Variants in ANKS1B observed in about 807,000 individuals in gnomAD.
ANKS1B encodes ankyrin repeat and sterile alpha motif domain containing 1B.
A neutral mutation model predicts 148.3 loss-of-function variants in ANKS1B; 36 were observed. The observed-to-expected ratio is 0.24, with a 90% confidence interval of 0.19 to 0.32. The LOEUF (loss-of-function observed/expected upper bound fraction) is 0.32. Ranked by LOEUF, ANKS1B falls within the 10% of genes least tolerant of loss-of-function variation. The probability of loss-of-function intolerance (pLI) is 1.00; values close to 1 mark genes in which losing one functional copy is unlikely to be tolerated. For synonymous variants in ANKS1B, 542 were observed against 560.8 expected (o/e 0.97, Z 0.47); for missense variants, 1,157 against 1,542.6 (o/e 0.75, Z 4.19).
intron 19 of ANKS1B, among the ~76,000 whole-genome samples, chr12:98,825,286 A>T (rs1237942791): frequency 6.6e-6 from 1 of 152,226 alleles, no homozygotes; most frequent in Non-Finnish European, 1.5e-5. Context: ...GGAAGAACTA[A>T]AATGTAATAT....
chr12:99,915,734 C>A (rs1402679932), intron 1 of ANKS1B, among the ~76,000 whole-genome samples: 3 of 152,114 alleles, frequency 2.0e-5, no homozygotes, highest in African/African-American at 7.2e-5. Flanking sequence ...GCTGCTGTCA[C>A]GAACTAAGTG....
chr12:99,733,604 A>G (rs1193166592), intron 8 of ANKS1B, among the ~76,000 whole-genome samples: 2 of 152,226 alleles, frequency 1.3e-5, no homozygotes, highest in African/African-American at 4.8e-5. Context: ...TTTCTAAAAT[A>G]CATGATGAAA....
chr12:99,969,034 A>T (rs1189477876), intron 1 of ANKS1B, among the ~76,000 whole-genome samples: 1 of 152,176 alleles, frequency 6.6e-6, no homozygotes, highest in Non-Finnish European at 1.5e-5. Flanking sequence ...AGCCTCAGGT[A>T]TTTCTTTATA....
chr12:99,857,956 C>T (rs2089437758), intron 1 of ANKS1B, among the ~76,000 whole-genome samples: 1 of 152,048 alleles, frequency 6.6e-6, no homozygotes, highest in African/African-American at 2.4e-5. Context: ...TTGGAAAAAC[C>T]CTTCTAGACA....
intron 10 of ANKS1B, among the ~76,000 whole-genome samples, chr12:99,474,075 A>C (rs1230485094): frequency 6.6e-6 from 1 of 152,106 alleles, no homozygotes; most frequent in Non-Finnish European, 1.5e-5. Flanking sequence ...TCTACTTAGT[A>C]TGATCTACGT....
intron 14 of ANKS1B, among the ~76,000 whole-genome samples, chr12:99,198,915 C>T (rs1315259164): frequency 6.6e-6 from 1 of 152,180 alleles, no homozygotes; most frequent in Non-Finnish European, 1.5e-5. Context: ...AAATGAATTG[C>T]TGGTTCCACC....
chr12:98,980,752 C>G (rs1363946297), intron 17 of ANKS1B, among the ~76,000 whole-genome samples: 1 of 152,134 alleles, frequency 6.6e-6, no homozygotes, highest in African/African-American at 2.4e-5. Flanking sequence ...GTCCAAGTTT[C>G]TAGATATTTG....
At chr12:99,704,023 G>A (rs528781646) in intron 8 of ANKS1B, among the ~76,000 whole-genome samples, 7 of 152,186 alleles carry the variant, frequency 4.6e-5, no homozygotes, top group East Asian at 1.9e-4. Flanking sequence ...AACCAGTAAC[G>A]TGATTTGGGC....
chr12:99,649,654 A>G, intron 9 of ANKS1B: 1 of 413,318 alleles, frequency 2.4e-6, no homozygotes, highest in Non-Finnish European at 4.4e-6. Context: ...TCCATGTCTT[A>G]ATCTTGTTAT....
chr12:99,532,040 ATTG>A (rs1462622764), intron 9 of ANKS1B, among the ~76,000 whole-genome samples: 13 of 135,698 alleles, frequency 9.6e-5, no homozygotes, highest in South Asian at 2.3e-4. Context: ...TTGTAACGGG[ATTG>A]TTTTTTTTTT....
intron 11 of ANKS1B, among the ~76,000 whole-genome samples, chr12:99,419,973 T>C (rs2095034577): frequency 6.6e-6 from 1 of 152,234 alleles, no homozygotes; most frequent in South Asian, 2.1e-4. Context: ...CCCAGCCTGC[T>C]TTCTAATTCT....
intron 14 of ANKS1B, among the ~76,000 whole-genome samples, chr12:99,197,104 G>A (rs1261957307): frequency 6.6e-6 from 1 of 152,114 alleles, no homozygotes; most frequent in Non-Finnish European, 1.5e-5. Flanking sequence ...GTGGGCCTGG[G>A]TCATAGGTCC....
intron 11 of ANKS1B, among the ~76,000 whole-genome samples, chr12:99,426,472 C>T (rs2095256899): frequency 6.6e-6 from 1 of 152,140 alleles, no homozygotes; most frequent in Non-Finnish European, 1.5e-5. Context: ...CTTGCTGTCT[C>T]ATACAACTGT....
At chr12:99,293,910 G>A (rs148332030) in intron 12 of ANKS1B, among the ~76,000 whole-genome samples, 1 of 152,264 alleles carries the variant, frequency 6.6e-6, no homozygotes, top group East Asian at 1.9e-4. Context: ...AACAGCAAGC[G>A]AGTATGTGAA....
chr12:99,975,650 C>G (rs1423264114), intron 1 of ANKS1B, among the ~76,000 whole-genome samples: 1 of 152,166 alleles, frequency 6.6e-6, no homozygotes, highest in African/African-American at 2.4e-5. Flanking sequence ...GTACTTTACT[C>G]ATTTTTTAAT....
intron 9 of ANKS1B, among the ~76,000 whole-genome samples, chr12:99,512,357 C>T (rs7308527): frequency 0.041 from 6,211 of 152,014 alleles, 440 homozygotes; most frequent in African/African-American, 0.14. Flanking sequence ...AATGAGATCA[C>T]CTCATGCAGT....
At chr12:99,663,097 C>A (rs1005274315) in intron 8 of ANKS1B, among the ~76,000 whole-genome samples, 2 of 152,070 alleles carry the variant, frequency 1.3e-5, no homozygotes, top group Non-Finnish European at 2.9e-5. Flanking sequence ...TTTTTACAAT[C>A]TTTTAAAACC....
intron 14 of ANKS1B, among the ~76,000 whole-genome samples, chr12:99,242,530 T>C (rs1383715770): frequency 6.6e-6 from 1 of 152,140 alleles, no homozygotes. Context: ...CTTCACAGAA[T>C]TGGAAAAACT....
At chr12:99,097,512 A>G (rs977338740) in intron 15 of ANKS1B, 1 of 152,210 alleles carries the variant, frequency 6.6e-6, no homozygotes, top group Non-Finnish European at 1.5e-5. Flanking sequence ...CAAGGAGCAT[A>G]AATAAATTTA....
Sources: gnomAD v4.1 joint callset for allele counts (sites outside exome capture counted in the v4.1 genomes callset) on GRCh38, gnomAD v4.1.1 for gene constraint, MANE v1.5 for transcripts, NCBI Gene and HGNC (gene_info 2026-07-23, HGNC 2026-07-21) for gene names.